Variants in PLSCR1 observed in about 807,000 individuals in gnomAD.
The protein encoded by PLSCR1 is PL scramblase 1.
Under a neutral mutation model 37.8 loss-of-function variants are expected in PLSCR1, and 17 were observed. That is an observed-to-expected ratio of 0.45 (90% confidence interval 0.31 to 0.68). The LOEUF (loss-of-function observed/expected upper bound fraction) is 0.68. Ranked by LOEUF, PLSCR1 falls within the 30% of genes least tolerant of loss-of-function variation. The probability of loss-of-function intolerance (pLI) is 0.06; values close to 1 mark genes in which losing one functional copy is unlikely to be tolerated. For missense variants in PLSCR1, 347 were observed against 380.9 expected (o/e 0.91, Z 0.74); for synonymous variants, 116 against 125.9 (o/e 0.92, Z 0.53).
chr3:146,534,200 T>C (rs1220667340), intron 2 of PLSCR1, among the ~76,000 whole-genome samples: 4 of 152,164 alleles, frequency 2.6e-5, no homozygotes, highest in Non-Finnish European at 5.9e-5. Flanking sequence ...CTCCTAAATA[T>C]TAATATTCAT....
In PLSCR1 at chr3:146,533,540, C is replaced by T; in HGVS notation, c.24G>A (p.Met8Ile). The T allele has an allele frequency of 6.2e-7, 1 of 1,600,036 alleles. No individual in the cohort carries two copies. Among genetic ancestry groups the T allele is most frequent in the South Asian group, 1.1e-5 (1 of 89,684 alleles). Residue 8 changes from methionine to isoleucine, a missense_variant, in exon 3 of 9, where the codon ATG becomes ATA. By Grantham distance (10) the Met-to-Ile change is conservative. Coordinates refer to ENST00000342435, the MANE Select transcript of PLSCR1 (RefSeq NM_021105.3). ...AGTTTGTTTCCGGGTGAGAAGCATT[C>T]ATCTGTGAGTCTGCAATTCAAGGAG... MDKQNSQ[M>I]NASHPETNLP...
chr3:146,522,210 A>T (rs2044032574), intron 5 of PLSCR1, among the ~76,000 whole-genome samples, 157 bp from the exon 6 acceptor site: 1 of 150,600 alleles, frequency 6.6e-6, no homozygotes, highest in South Asian at 2.1e-4. Flanking sequence ...GACAGAGAAA[A>T]ATGGCAAAAA....
rs116195924 is a variant in PLSCR1, at chr3:146,531,665, T to C, written c.94+1805A>G. 9.1e-3 allele frequency among the ~76,000 whole-genome samples: 1,388 copies of C among 152,350 alleles called. 23 individuals carry two copies. The highest frequency in any genetic ancestry group is 0.032 in the African/African-American group (1,329 of 41,586). ...ATATTTTAAATATGTTAGCAAATAC[T>C]TGTCATTTATAATTTGCAAGCATTG... On this transcript the variant is annotated intron_variant, in intron 3 of 8. Transcript: ENST00000342435.
chr3:146,539,260 G>T (rs776493611), intron 1 of PLSCR1, among the ~76,000 whole-genome samples: 11 of 152,290 alleles, frequency 7.2e-5, no homozygotes, highest in Middle Eastern at 3.4e-3. Context: ...TCACAATAGG[G>T]TTCTTGCTCC....
At chr3:146,516,976 T>C in intron 8 of PLSCR1, 30 bp downstream of exon 8, 1 of 1,370,122 alleles carries the variant, frequency 7.3e-7, no homozygotes, top group Non-Finnish European at 1.0e-6. Context: ...AGAAAGCATC[T>C]ATAATCAAGA....
At chr3:146,526,877 C>G (rs984150589) in intron 4 of PLSCR1, among the ~76,000 whole-genome samples, 9 of 152,152 alleles carry the variant, frequency 5.9e-5, no homozygotes, top group Non-Finnish European at 1.2e-4. Flanking sequence ...CGCAGTGGTT[C>G]ACGACTGTAA....
chr3:146,528,310 A>G (rs1450633167), intron 4 of PLSCR1: 2 of 346,000 alleles, frequency 5.8e-6, no homozygotes, highest in African/African-American at 4.3e-5. Context: ...CAGACTTTCA[A>G]TAAGGATTAA....
intron 3 of PLSCR1, among the ~76,000 whole-genome samples, chr3:146,531,528 C>T (rs952452901): frequency 6.6e-6 from 1 of 152,104 alleles, no homozygotes; most frequent in Admixed American, 6.5e-5. Flanking sequence ...TCATAATTTT[C>T]CCCAGACTCT....
chr3:146,533,615 G>T, intron 2 of PLSCR1, 65 bp from the exon 3 acceptor site: 2 of 943,614 alleles, frequency 2.1e-6, no homozygotes, highest in Non-Finnish European at 3.4e-6. Context: ...AAGAAACAAT[G>T]TATTGTACTT....
chr3:146,543,865 G>T, intron 1 of PLSCR1, among the ~76,000 whole-genome samples: 2 of 152,258 alleles, frequency 1.3e-5, no homozygotes, highest in South Asian at 4.1e-4. Context: ...AGTAGAGGCC[G>T]AATTTAAAGT....
At chr3:146,526,433 G>C (rs888241512) in intron 4 of PLSCR1, among the ~76,000 whole-genome samples, 2 of 152,022 alleles carry the variant, frequency 1.3e-5, no homozygotes, top group African/African-American at 4.8e-5. Context: ...CCATTATGGA[G>C]AACAGTGTAG....
chr3:146,536,989 G>C (rs1003529816), intron 1 of PLSCR1, among the ~76,000 whole-genome samples: 1 of 152,154 alleles, frequency 6.6e-6, no homozygotes, highest in Admixed American at 6.5e-5. Flanking sequence ...CCCCAGGAAT[G>C]TTCCAGCAGG....
intron 6 of PLSCR1, 53 bp downstream of exon 6, chr3:146,521,780 C>T: frequency 6.4e-7 from 1 of 1,571,380 alleles, no homozygotes; most frequent in Admixed American, 1.7e-5. Flanking sequence ...AATGACAGGG[C>T]AGAAATTCTT....
chr3:146,524,844 G>A (rs893714201), intron 5 of PLSCR1, among the ~76,000 whole-genome samples: 1 of 152,180 alleles, frequency 6.6e-6, no homozygotes, highest in African/African-American at 2.4e-5. Context: ...AAGAAACTTT[G>A]GAGACAGGTG....
At position 146,517,051 on chromosome 3, in the gene PLSCR1, A is replaced by G; in HGVS notation, c.855T>C (p.Leu285=). The change falls in exon 8 of 9, where the codon CTT becomes CTC. Residue 285 remains leucine (L), a synonymous_variant. Coordinates refer to ENST00000342435, the MANE Select transcript of PLSCR1 (RefSeq NM_021105.3). ...DNFGIQFPLD[L]DVKMKAVMIG... ...TCATTACAGCTTTCATTTTAACATC[A>G]AGGTCTAAAGGGAACTGGATTCCAA... is the stretch of plus-strand genomic sequence containing the variant. 1 of 1,601,852 alleles carries G rather than the reference A, an allele frequency of 6.2e-7. No individual in the cohort carries two copies. The highest frequency in any genetic ancestry group is 8.5e-7 in the Non-Finnish European group (1 of 1,173,704).
intron 5 of PLSCR1, among the ~76,000 whole-genome samples, chr3:146,523,724 C>T (rs746528942): frequency 2.0e-5 from 3 of 152,154 alleles, no homozygotes; most frequent in Non-Finnish European, 4.4e-5. Context: ...CTTTGCTGGG[C>T]TAATCTATCT....
intron 2 of PLSCR1, among the ~76,000 whole-genome samples, chr3:146,534,778 A>G (rs531112384): frequency 6.6e-6 from 1 of 152,286 alleles, no homozygotes; most frequent in East Asian, 1.9e-4. Context: ...CAGGAGGCTG[A>G]GGCAGGAGAA....
intron 1 of PLSCR1, among the ~76,000 whole-genome samples, chr3:146,542,362 C>T (rs1172659930): frequency 6.6e-6 from 1 of 152,108 alleles, no homozygotes. Context: ...TCCTCAACAC[C>T]CCCAACCCCA....
At chr3:146,537,167 C>A (rs78589537) in intron 1 of PLSCR1, among the ~76,000 whole-genome samples, 1 of 151,824 alleles carries the variant, frequency 6.6e-6, no homozygotes. Flanking sequence ...GTTGTCACAG[C>A]CATAGCACCT....
Sources: allele counts gnomAD v4.1 joint callset (sites outside exome capture counted in the v4.1 genomes callset), GRCh38; gene constraint gnomAD v4.1.1; transcripts MANE v1.5; gene names NCBI Gene and HGNC (gene_info 2026-07-23, HGNC 2026-07-21).